GRIK5: variants seen among roughly 807,000 people sequenced by gnomAD.
GRIK5 encodes glutamate receptor ionotropic, kainate 5.
GRIK5 carries 43 observed loss-of-function variants against 97.4 expected under a neutral mutation model. The ratio of observed to expected loss-of-function variants is 0.44; its 90% confidence interval spans 0.35 to 0.57. The LOEUF (loss-of-function observed/expected upper bound fraction) is 0.57, where lower values mean the gene tolerates loss of function less well. Ranked by LOEUF, GRIK5 falls within the 20% of genes least tolerant of loss-of-function variation. GRIK5 has a pLI of 0.01. For missense variants in GRIK5, 1,015 were observed against 1,382.0 expected (o/e 0.73, Z 4.21); for synonymous variants, 580 against 583.5 (o/e 0.99, Z 0.09).
chr19:42,057,519 T>C (rs1264884826), intron 6 of GRIK5, among the ~76,000 whole-genome samples: 2 of 152,134 alleles, frequency 1.3e-5, no homozygotes, highest in East Asian at 1.9e-4. Flanking sequence ...CATAGGCATG[T>C]ACCACAATGC....
intron 15 of GRIK5, among the ~76,000 whole-genome samples, chr19:42,009,335 C>A (rs1046364718): frequency 6.6e-6 from 1 of 151,896 alleles, no homozygotes; most frequent in African/African-American, 2.4e-5. Context: ...CTCCGCTTCC[C>A]GGGTTCAAGC....
At position 42,042,434 on chromosome 19, in the gene GRIK5, G is replaced by T; in HGVS notation, c.1473+118C>A. 1.1e-6 allele frequency: 1 copy of T among 875,774 alleles called. No homozygotes were observed. The highest frequency in any genetic ancestry group is 1.8e-6 in the Non-Finnish European group (1 of 561,000). 54.3% of individuals were successfully genotyped at this position (875,774 alleles called of 1,614,324 possible). ...GAGGTGGTGTCAGGGGCCCTTCATG[G>T]CTCCTTCCTCTTCTGCCACCAGCCA... On this transcript the variant is annotated intron_variant, in intron 12 of 19. Transcript: ENST00000593562. The surrounding 1 kb of genome is among the most constrained non-coding windows in gnomAD (Gnocchi z 6.9).
chr19:42,026,075 TG>T (rs2075768128), intron 12 of GRIK5, among the ~76,000 whole-genome samples: 2 of 152,172 alleles, frequency 1.3e-5, no homozygotes, highest in African/African-American at 4.8e-5. Flanking sequence ...ACTGCAGCCT[TG>T]AACTCCTCAA....
At chr19:42,053,735 G>A (rs1179407344) in intron 10 of GRIK5, 26 bp from the exon 11 acceptor site, 21 of 1,556,092 alleles carry the variant, frequency 1.3e-5, no homozygotes, top group Non-Finnish European at 1.8e-5. Context: ...GGTGCTGTCA[G>A]CTCAGGCCCT....
At position 42,003,752 on chromosome 19, in the gene GRIK5, C is replaced by A. The variant is rs1477808413; in HGVS notation, c.2264-69G>T. 8.8e-6 allele frequency: 13 copies of A among 1,480,476 alleles called. No homozygotes were observed. The highest frequency in any genetic ancestry group is 1.1e-5 in the Non-Finnish European group (12 of 1,115,782). The allele number at this position is 1,480,476 out of a possible 1,614,324, so 91.7% of individuals were successfully genotyped here. On this transcript the variant is annotated intron_variant, in intron 17 of 19. Transcript: ENST00000593562. The surrounding 1 kb of genome is among the most constrained non-coding windows in gnomAD (Gnocchi z 4.2). ...AGCCCTGACCGCCCCAAACCCCAAA[C>A]TGTGCCCTCACCACGGCCTTCCCCC...
Position 42,002,434 on chromosome 19 carries a change from G to T in GRIK5, c.2514+898C>A. On this transcript the variant is annotated intron_variant, in intron 19 of 19. Transcript: ENST00000593562. This position sits in a 1 kb window ranked among gnomAD's most constrained non-coding sequence, Gnocchi z 5.2. ...TTGCCGGAGGGATGTCCTTGAGAAG[G>T]CAACCTGGACACGGGTGGAGGGCAC... is the stretch of plus-strand genomic sequence containing the variant. The T allele has an allele frequency of 2.8e-6, 2 of 717,692 alleles. No homozygotes were observed. Among genetic ancestry groups the T allele is most frequent in the Non-Finnish European group, 5.2e-6 (2 of 385,114 alleles). 44.5% of individuals were successfully genotyped at this position (717,692 alleles called of 1,614,324 possible).
At chr19:42,068,110 G>A (rs972872449) in intron 1 of GRIK5, among the ~76,000 whole-genome samples, 2 of 152,160 alleles carry the variant, frequency 1.3e-5, no homozygotes, top group Non-Finnish European at 2.9e-5. Flanking sequence ...GTATGTCGGA[G>A]CTGCACGACA....
intron 16 of GRIK5, 38 bp from the exon 17 acceptor site, chr19:42,005,986 T>G: frequency 9.5e-7 from 1 of 1,050,132 alleles, no homozygotes; most frequent in Non-Finnish European, 1.5e-6. Flanking sequence ...TGGGAGGGTC[T>G]TTCCAGCCGC....
intron 12 of GRIK5, among the ~76,000 whole-genome samples, chr19:42,030,955 A>G (rs1394012696): frequency 1.3e-5 from 2 of 152,180 alleles, no homozygotes; most frequent in African/African-American, 4.8e-5. Context: ...TTTGCAGCCT[A>G]AATCAGGACA....
chr19:42,036,112 T>A (rs773458023), intron 12 of GRIK5, among the ~76,000 whole-genome samples: 4 of 152,168 alleles, frequency 2.6e-5, no homozygotes, highest in Non-Finnish European at 5.9e-5. Flanking sequence ...CAGGCTGGAA[T>A]GCAGTGGCGC....
At position 42,065,789 on chromosome 19, in the gene GRIK5, G is replaced by C. The variant is rs772879825; in HGVS notation, c.-19C>G. ...CCGGCATCTTCCTCCCCTCCTCATG[G>C]GGACGCAGCTGCCGCGGCCCCCACT... On this transcript the variant is annotated 5_prime_UTR_variant, in exon 2 of 20. Transcript: ENST00000593562. This position sits in a 1 kb window ranked among gnomAD's most constrained non-coding sequence, Gnocchi z 5.8. 1.3e-6 allele frequency: 2 copies of C among 1,558,722 alleles called. No homozygotes were observed. The highest frequency in any genetic ancestry group is 8.7e-7 in the Non-Finnish European group (1 of 1,154,096).
chr19:42,065,492 G>A lies in GRIK5; in HGVS notation c.80-105C>T. On this transcript the variant is annotated intron_variant, in intron 2 of 19. Coordinates refer to ENST00000593562, the MANE Select transcript of GRIK5 (RefSeq NM_002088.5). The surrounding 1 kb of genome is among the most constrained non-coding windows in gnomAD (Gnocchi z 5.8). The stretch of plus-strand genomic sequence containing the variant: ...TAGGGTGAGGTGGGTATACGGACCA[G>A]GGGTCTAGACACCTGGATCTGAGGT... The A allele has an allele frequency of 7.3e-6, 9 of 1,230,902 alleles. No homozygotes were observed. The South Asian group carries it at 1.3e-4, about 18-fold the overall frequency. 76.2% of individuals were successfully genotyped at this position (1,230,902 alleles called of 1,614,324 possible). A position where few individuals can be genotyped will look rare whatever the true frequency, so the allele number is the denominator to read the frequency against.
At position 42,056,944 on chromosome 19, in the gene GRIK5, T is replaced by C; in HGVS notation, c.722A>G (p.Lys241Arg). ...SELGMTSAFY[K>R]YILTTMDFPI... ...ACACACCATGGTGGTGAGGATGTAC[T>C]TGTAAAACGCTGAGGTCATTCCCAG... The change falls in exon 7 of 20, where the codon AAG (lysine) becomes AGG (arginine). Residue 241 changes from lysine (K) to arginine (R), a missense_variant. This residue lies in a region of GRIK5 where 477 missense variants were observed against 701.1 expected (regional missense o/e 0.68). Coordinates refer to ENST00000593562, the MANE Select transcript of GRIK5 (RefSeq NM_002088.5). 3.2e-6 allele frequency: 5 copies of C among 1,571,906 alleles called. No homozygotes were observed. Among genetic ancestry groups the C allele is most frequent in the Non-Finnish European group, 4.3e-6 (5 of 1,158,380 alleles).
At chr19:42,043,294 A>C (rs868184810) in intron 11 of GRIK5, among the ~76,000 whole-genome samples, 1 of 151,954 alleles carries the variant, frequency 6.6e-6, no homozygotes, top group Admixed American at 6.6e-5. Context: ...TCACCAAACC[A>C]ACTTCATGAG....
intron 8 of GRIK5, among the ~76,000 whole-genome samples, chr19:42,055,091 G>A (rs932470508): frequency 6.6e-6 from 1 of 152,152 alleles, no homozygotes; most frequent in African/African-American, 2.4e-5. Context: ...GTGCTGTTAC[G>A]GGGCTCCGGT....
intron 12 of GRIK5, among the ~76,000 whole-genome samples, chr19:42,024,217 T>A: frequency 6.7e-6 from 1 of 148,828 alleles, no homozygotes; most frequent in Non-Finnish European, 1.5e-5. Context: ...ATTGGCCCTT[T>A]TTTTTTTTTT....
intron 11 of GRIK5, among the ~76,000 whole-genome samples, chr19:42,050,756 C>A (rs916058131): frequency 6.6e-6 from 1 of 151,878 alleles, no homozygotes; most frequent in Admixed American, 6.6e-5. Context: ...ACCTTGGGCA[C>A]GTCATTTAAC....
rs771829596 is a variant in GRIK5, at chr19:42,042,671, G to A, written c.1354C>T (p.Arg452Trp). ...AAGCGCAGCAGCTCGGCCAGCTCCC[G>A]CAGCATGTCCACGCAGAAGCCCTCG... The part of the protein sequence containing the change: ...RFEGFCVDML[R>W]ELAELLRFRY... The change falls in exon 12 of 20, where the codon CGG becomes TGG. Residue 452 changes from arginine to tryptophan, a missense_variant. By Grantham distance (101) the Arg-to-Trp change is moderately radical. This residue lies in a region of GRIK5 where 477 missense variants were observed against 701.1 expected (regional missense o/e 0.68). Transcript: ENST00000593562. The surrounding 1 kb of genome is among the most constrained non-coding windows in gnomAD (Gnocchi z 6.9). 5 of 1,613,476 alleles carry A rather than the reference G, an allele frequency of 3.1e-6. No homozygotes were observed. Among genetic ancestry groups the A allele is most frequent in the East Asian group, 2.2e-5 (1 of 44,878 alleles).
chr19:42,058,146 C>CG (rs909906076), intron 6 of GRIK5, among the ~76,000 whole-genome samples: 4 of 152,130 alleles, frequency 2.6e-5, no homozygotes, highest in African/African-American at 9.7e-5. Flanking sequence ...ACACTTCCTG[C>CG]GGGCTACAGT....
Sources: gnomAD v4.1 joint callset for allele counts (sites outside exome capture counted in the v4.1 genomes callset) on GRCh38, gnomAD v4.1.1 for gene constraint, gnomAD v4.1.1 regional missense constraint, Gnocchi (gnomAD v3.1) non-coding constraint, MANE v1.5 for transcripts, NCBI Gene and HGNC (gene_info 2026-07-23, HGNC 2026-07-21) for gene names.